The following PRKN variants were observed in gnomAD, a reference collection of about 807,000 sequenced individuals.
PRKN encodes E3 ubiquitin-protein ligase parkin.
Under a neutral mutation model 59.5 loss-of-function variants are expected in PRKN, and 56 were observed. That is an observed-to-expected ratio of 0.94 (90% confidence interval 0.76 to 1.18). PRKN has a LOEUF of 1.18. Among genes scored for constraint, PRKN ranks in the 50% most tolerant of loss-of-function variants. The pLI, the probability that PRKN is intolerant of heterozygous loss-of-function variation, is 0.00. For missense variants in PRKN, 657 were observed against 596.4 expected, an observed-to-expected ratio of 1.10 and a Z score of -1.06; for synonymous variants, 250 against 222.1, an observed-to-expected ratio of 1.13 and a Z score of -1.12.
chr6:161,471,368 T>C lies in PRKN; in HGVS notation c.1083+77486A>G. ...TAAGCAGCTTTATAATAAGAAAATATTTGTTTATGAATTCAAACTTATGAA... is the reference window on the plus strand; with the variant it reads ...TAAGCAGCTTTATAATAAGAAAATACTTGTTTATGAATTCAAACTTATGAA... On this transcript the variant is annotated intron_variant, in intron 9 of 11. Transcript: ENST00000366898. This position sits in a 1 kb window ranked among gnomAD's most constrained non-coding sequence, Gnocchi z 4.5. Among the ~76,000 whole-genome samples, 1 of 152,196 alleles carries C rather than the reference T, an allele frequency of 6.6e-6. No homozygotes were observed. Among genetic ancestry groups the C allele is most frequent in the East Asian group, 1.9e-4 (1 of 5,190 alleles).
At chr6:162,200,449 G>C (rs1438886021) in intron 4 of PRKN, among the ~76,000 whole-genome samples, 1 of 152,110 alleles carries the variant, frequency 6.6e-6, no homozygotes, top group African/African-American at 2.4e-5. Flanking sequence ...TACAGAAATG[G>C]GTGGGGCTGG....
intron 4 of PRKN, among the ~76,000 whole-genome samples, chr6:162,071,872 C>T (rs140188081): frequency 0.011 from 1,721 of 152,196 alleles, 30 homozygotes; most frequent in African/African-American, 0.04. Flanking sequence ...ACTAGGATTA[C>T]AGGCTTGAGC....
chr6:162,489,443 A>G (rs1039130388), intron 1 of PRKN, among the ~76,000 whole-genome samples: 2 of 152,224 alleles, frequency 1.3e-5, no homozygotes, highest in Non-Finnish European at 2.9e-5. Flanking sequence ...TGCACTGAGG[A>G]AAGATAGAAA....
Position 161,445,747 on chromosome 6 carries a change from G to A in PRKN, c.1084-58870C>T, listed in dbSNP as rs549581538. On this transcript the variant is annotated intron_variant, in intron 9 of 11. Coordinates refer to ENST00000366898, the MANE Select transcript of PRKN (RefSeq NM_004562.3). This position sits in a 1 kb window ranked among gnomAD's most constrained non-coding sequence, Gnocchi z 7.7. ...GCCAGGTGACTGCACAGAGTGATGA[G>A]CTGGGCCCACTTTCCTGCTATTGGC... 6.6e-6 allele frequency among the ~76,000 whole-genome samples: 1 copy of A among 152,328 alleles called. No homozygotes were observed. Among genetic ancestry groups the A allele is most frequent in the African/African-American group, 2.4e-5 (1 of 41,584 alleles).
chr6:162,053,953 TA>T, intron 5 of PRKN, 137 bp downstream of exon 5: 1 of 745,440 alleles, frequency 1.3e-6, no homozygotes, highest in Non-Finnish European at 2.5e-6. Context: ...TTAACCTATT[TA>T]AATATCATAA....
chr6:162,616,189 C>T (rs1429230531), intron 1 of PRKN, among the ~76,000 whole-genome samples: 1 of 152,130 alleles, frequency 6.6e-6, no homozygotes, highest in East Asian at 1.9e-4. Context: ...CTGGACACTA[C>T]CCCTGACCCC....
At chr6:161,420,239 C>CA (rs529929769) in intron 9 of PRKN, among the ~76,000 whole-genome samples, 11,499 of 72,642 alleles carry the variant, frequency 0.16, 633 homozygotes, top group Middle Eastern at 0.19. Flanking sequence ...GACTATGTCT[C>CA]AAAAAAAAAA....
intron 6 of PRKN, among the ~76,000 whole-genome samples, chr6:161,877,928 C>A (rs971825612): frequency 6.6e-6 from 1 of 151,914 alleles, no homozygotes; most frequent in Non-Finnish European, 1.5e-5. Flanking sequence ...TGCAGTATGG[C>A]GCTCAATGAG....
chr6:161,515,868 G>A (rs1371124663), intron 9 of PRKN, among the ~76,000 whole-genome samples: 1 of 152,132 alleles, frequency 6.6e-6, no homozygotes, highest in African/African-American at 2.4e-5. Flanking sequence ...AGAAAAAAAA[G>A]AGAAGCTAAT....
chr6:162,719,119 T>G (rs1324199152), intron 1 of PRKN, among the ~76,000 whole-genome samples: 1 of 152,214 alleles, frequency 6.6e-6, no homozygotes, highest in Non-Finnish European at 1.5e-5. Context: ...ACTCTCTGTA[T>G]CATATGATTA....
chr6:161,375,565 C>A (rs541745730), intron 10 of PRKN, among the ~76,000 whole-genome samples: 1 of 152,200 alleles, frequency 6.6e-6, no homozygotes, highest in Non-Finnish European at 1.5e-5. Context: ...GCGAAACACA[C>A]ACTCATTTCA....
intron 7 of PRKN, among the ~76,000 whole-genome samples, chr6:161,690,471 A>G (rs1266953720): frequency 6.6e-6 from 1 of 152,208 alleles, no homozygotes; most frequent in Admixed American, 6.5e-5. Flanking sequence ...GAGCCTTCTA[A>G]CCTGACTCAC....
chr6:162,144,303 T>A (rs1227497208), intron 4 of PRKN, among the ~76,000 whole-genome samples: 1 of 152,244 alleles, frequency 6.6e-6, no homozygotes, highest in Non-Finnish European at 1.5e-5. Flanking sequence ...TGGATTTTAA[T>A]ATTCATGACT....
intron 9 of PRKN, among the ~76,000 whole-genome samples, chr6:161,540,702 C>G (rs560109697): frequency 3.9e-5 from 6 of 152,312 alleles, no homozygotes; most frequent in African/African-American, 1.4e-4. Context: ...ACAAAATGTA[C>G]CACACAAAAG....
At chr6:161,516,490 AAAAGAAGAAG>A (rs1426038603) in intron 9 of PRKN, among the ~76,000 whole-genome samples, 1 of 82,322 alleles carries the variant, frequency 1.2e-5, no homozygotes, top group African/African-American at 4.9e-5. Flanking sequence ...AAAAAAAAAA[AAAAGAAGAAG>A]AAGAAAGAAG....
intron 3 of PRKN, 147 bp downstream of exon 3, chr6:162,262,378 T>TAC: frequency 1.1e-6 from 1 of 911,142 alleles, no homozygotes; most frequent in Non-Finnish European, 1.8e-6. Flanking sequence ...GTACTCCACC[T>TAC]ACAGTGATGT....
At chr6:161,962,571 C>T (rs1156261790) in intron 6 of PRKN, among the ~76,000 whole-genome samples, 1 of 146,164 alleles carries the variant, frequency 6.8e-6, no homozygotes, top group African/African-American at 2.5e-5. Context: ...GACGGAGTCT[C>T]GCTCTGTCAT....
intron 1 of PRKN, among the ~76,000 whole-genome samples, chr6:162,598,836 G>A (rs944172324): frequency 2.3e-5 from 3 of 131,980 alleles, no homozygotes; most frequent in Non-Finnish European, 4.7e-5. Flanking sequence ...CTGGGTGAAA[G>A]AGTGAGATTC....
intron 1 of PRKN, among the ~76,000 whole-genome samples, chr6:162,474,275 A>G (rs1000821945): frequency 1.3e-5 from 2 of 152,210 alleles, no homozygotes; most frequent in Admixed American, 6.5e-5. Context: ...TACAACTGGG[A>G]CATTGCAAAT....
Sources: gnomAD v4.1 joint callset for allele counts (sites outside exome capture counted in the v4.1 genomes callset) on GRCh38, gnomAD v4.1.1 for gene constraint, Gnocchi (gnomAD v3.1) non-coding constraint, MANE v1.5 for transcripts, NCBI Gene and HGNC (gene_info 2026-07-23, HGNC 2026-07-21) for gene names.